The following CENPW variants were observed in gnomAD, a reference collection of about 807,000 sequenced individuals.
CENPW encodes centromere protein W, also known as cancer-up-regulated gene 2 protein.
In CENPW, 3 loss-of-function variants were observed where a neutral mutation model predicts 11.1. That is an observed-to-expected ratio of 0.27 (90% CI 0.12 to 0.70). The LOEUF is 0.70. Among genes scored for constraint, CENPW ranks in the 30% least tolerant of loss-of-function variants. The pLI, the probability that CENPW is intolerant of heterozygous loss-of-function variation, is 0.77. For synonymous variants in CENPW, 38 were observed against 42.0 expected, an observed-to-expected ratio of 0.91 and a Z score of 0.37; for missense variants, 100 against 105.6, an observed-to-expected ratio of 0.95 and a Z score of 0.23.
chr6:126,367,950 G>A, the CENPW span, among the ~76,000 whole-genome samples: 2 of 152,182 alleles, frequency 1.3e-5, no homozygotes, highest in South Asian at 2.1e-4. Flanking sequence ...GATTTAAACC[G>A]TAATCTAGAG....
chr6:126,479,847 C>T, the CENPW span, among the ~76,000 whole-genome samples: 1 of 151,908 alleles, frequency 6.6e-6, no homozygotes, highest in Non-Finnish European at 1.5e-5. Context: ...TAAGAGGTAT[C>T]TTGCAGATTC....
the CENPW span, among the ~76,000 whole-genome samples, chr6:126,440,811 G>C: frequency 6.6e-6 from 1 of 151,452 alleles, no homozygotes; most frequent in Admixed American, 6.6e-5. Flanking sequence ...GAAAGGACTG[G>C]AGAAGCCTAG....
chr6:126,428,623 A>G, the CENPW span, among the ~76,000 whole-genome samples: 199 of 152,328 alleles, frequency 1.3e-3, no homozygotes, highest in Non-Finnish European at 1.9e-4. Flanking sequence ...GAAGGAAGAC[A>G]GTAACTTCAC....
chr6:126,368,561 T>G, the CENPW span, among the ~76,000 whole-genome samples: 1 of 151,766 alleles, frequency 6.6e-6, no homozygotes, highest in South Asian at 2.1e-4. Context: ...ACAGGTGGTG[T>G]TTGGTTACAT....
At chr6:126,448,226 G>A in the CENPW span, among the ~76,000 whole-genome samples, 1,081 of 151,034 alleles carry the variant, frequency 7.2e-3, 12 homozygotes, top group African/African-American at 0.024. Context: ...GATCTCTAGC[G>A]GTGCAGCCCA....
the CENPW span, among the ~76,000 whole-genome samples, chr6:126,452,129 T>C: frequency 6.6e-6 from 1 of 151,150 alleles, no homozygotes; most frequent in Non-Finnish European, 1.5e-5. Flanking sequence ...CTTACCCAAA[T>C]TGATTTCCTA....
At chr6:126,417,270 C>T in the CENPW span, among the ~76,000 whole-genome samples, 1 of 152,184 alleles carries the variant, frequency 6.6e-6, no homozygotes, top group Non-Finnish European at 1.5e-5. Flanking sequence ...GCCTGTACCA[C>T]CATTGTATCT....
chr6:126,427,308 G>A, the CENPW span, among the ~76,000 whole-genome samples: 2 of 152,112 alleles, frequency 1.3e-5, no homozygotes, highest in African/African-American at 4.8e-5. Context: ...AAATTACATG[G>A]TAGAAGAAGC....
intron 1 of CENPW, among the ~76,000 whole-genome samples, chr6:126,344,511 A>G (rs1243556097): frequency 6.6e-6 from 1 of 152,194 alleles, no homozygotes; most frequent in East Asian, 1.9e-4. Context: ...AGATTAACAA[A>G]TGAAATTGTG....
chr6:126,453,738 C>T, the CENPW span, among the ~76,000 whole-genome samples: 1 of 150,984 alleles, frequency 6.6e-6, no homozygotes, highest in East Asian at 2.0e-4. Flanking sequence ...GGCTAAATGG[C>T]TTAATTAAAG....
the CENPW span, among the ~76,000 whole-genome samples, chr6:126,365,841 T>A: frequency 6.6e-6 from 1 of 152,204 alleles, no homozygotes; most frequent in Non-Finnish European, 1.5e-5. Context: ...GAAATGAACA[T>A]TTTTATGTTT....
chr6:126,423,385 T>G, the CENPW span, among the ~76,000 whole-genome samples: 1 of 152,148 alleles, frequency 6.6e-6, no homozygotes. Flanking sequence ...TGATGTACAG[T>G]ATGACACTTC....
chr6:126,382,129 G>A, the CENPW span, among the ~76,000 whole-genome samples: 1 of 152,050 alleles, frequency 6.6e-6, no homozygotes, highest in African/African-American at 2.4e-5. Context: ...GCACATGCCT[G>A]TAATCCCAGC....
the CENPW span, among the ~76,000 whole-genome samples, chr6:126,358,729 G>C: frequency 6.6e-6 from 1 of 152,118 alleles, no homozygotes; most frequent in Non-Finnish European, 1.5e-5. Flanking sequence ...CATTGAATGA[G>C]TTAGGGAGAA....
At chr6:126,406,837 G>A in the CENPW span, among the ~76,000 whole-genome samples, 1 of 150,938 alleles carries the variant, frequency 6.6e-6, no homozygotes, top group Admixed American at 6.6e-5. Flanking sequence ...TGGTGACAGA[G>A]CAAGACTCCA....
the CENPW span, among the ~76,000 whole-genome samples, chr6:126,435,275 A>C: frequency 3.3e-5 from 5 of 151,924 alleles, no homozygotes; most frequent in African/African-American, 1.2e-4. Flanking sequence ...AAAGTGGAAA[A>C]ATATTTTTTT....
the CENPW span, among the ~76,000 whole-genome samples, chr6:126,460,987 A>G: frequency 6.6e-6 from 1 of 151,928 alleles, no homozygotes; most frequent in Admixed American, 6.6e-5. Context: ...AGTTCTTAAC[A>G]TACTGGCTGG....
the CENPW span, among the ~76,000 whole-genome samples, chr6:126,376,792 T>A: frequency 1.3e-5 from 2 of 152,142 alleles, no homozygotes; most frequent in Non-Finnish European, 2.9e-5. Flanking sequence ...AAGTGTTCCA[T>A]ATGGTGAATA....
At chr6:126,412,718 T>G in the CENPW span, among the ~76,000 whole-genome samples, 1 of 152,218 alleles carries the variant, frequency 6.6e-6, no homozygotes, top group East Asian at 1.9e-4. Flanking sequence ...TCCCACACAT[T>G]TCCCACACAT....
Sources: allele counts gnomAD v4.1 joint callset (sites outside exome capture counted in the v4.1 genomes callset), GRCh38; gene constraint gnomAD v4.1.1; transcripts MANE v1.5; gene names NCBI Gene and HGNC (gene_info 2026-07-23, HGNC 2026-07-21).